Variants in CCNB1IP1 observed in about 807,000 individuals in gnomAD.
The protein encoded by CCNB1IP1 is E3 ubiquitin-protein ligase CCNB1IP1.
Under a neutral mutation model 25.6 loss-of-function variants are expected in CCNB1IP1, and 14 were observed. That is an observed-to-expected ratio of 0.55 (90% CI 0.36 to 0.85). CCNB1IP1 has a LOEUF of 0.85. CCNB1IP1 is among the 40% of genes least tolerant of loss of function. The probability of loss-of-function intolerance (pLI) is 0.01; values close to 1 mark genes in which losing one functional copy is unlikely to be tolerated. For missense variants in CCNB1IP1, 278 were observed against 342.4 expected (o/e 0.81, Z 1.48); for synonymous variants, 119 against 116.1 (o/e 1.02, Z -0.16).
intron 5 of CCNB1IP1, among the ~76,000 whole-genome samples, chr14:20,314,031 CTT>C (rs1427861802): frequency 6.6e-6 from 1 of 152,190 alleles, no homozygotes; most frequent in Non-Finnish European, 1.5e-5. Context: ...AAACCACTAA[CTT>C]TATACCACCA....
intron 4 of CCNB1IP1, among the ~76,000 whole-genome samples, chr14:20,321,697 C>A (rs1028715026): frequency 6.6e-6 from 1 of 152,100 alleles, no homozygotes; most frequent in African/African-American, 2.4e-5. Context: ...CGTGATCTAC[C>A]CTGCTCGGCC....
chr14:20,316,217 A>G lies in CCNB1IP1; in HGVS notation c.297+10T>C, dbSNP rs369190901. ...TCACATGCTCAAGAGAAACTAGACT[A>G]AGCACTAACCTGATATGTCCAGAAG... On this transcript the variant is annotated intron_variant, in intron 5 of 6. Coordinates refer to ENST00000358932, the MANE Select transcript of CCNB1IP1 (RefSeq NM_021178.5). The G allele has an allele frequency of 6.2e-7, 1 of 1,603,888 alleles. No individual in the cohort carries two copies. Among genetic ancestry groups the G allele is most frequent in the Non-Finnish European group, 8.5e-7 (1 of 1,171,780 alleles).
At position 20,316,201 on chromosome 14, in the gene CCNB1IP1, C is replaced by T. The variant is rs143875229; in HGVS notation, c.297+26G>A. The T allele has an allele frequency of 2.4e-3, 3,748 of 1,587,876 alleles. 10 individuals are homozygous for T. Among genetic ancestry groups the T allele is most frequent in the East Asian group, 8.7e-3 (388 of 44,386 alleles). ...CCACAAATGCCATAAATCACATGCTCAAGAGAAACTAGACTAAGCACTAAC... is the reference window on the plus strand; with the variant it reads ...CCACAAATGCCATAAATCACATGCTTAAGAGAAACTAGACTAAGCACTAAC... On this transcript the variant is annotated intron_variant, in intron 5 of 6. Coordinates refer to ENST00000358932, the MANE Select transcript of CCNB1IP1 (RefSeq NM_021178.5).
At chr14:20,320,445 T>G in intron 4 of CCNB1IP1, 1 of 376,204 alleles carries the variant, frequency 2.7e-6, no homozygotes, top group Non-Finnish European at 5.4e-6. Flanking sequence ...ATATTAGAAA[T>G]GTATTTCATT....
Position 20,313,482 on chromosome 14 carries a change from A to G in CCNB1IP1, c.617T>C (p.Leu206Pro), listed in dbSNP as rs567459735. The change falls in exon 6 of 7, where the codon CTT becomes CCT. Residue 206 changes from leucine (L) to proline (P), a missense_variant. By Grantham distance (98) the Leu-to-Pro change is moderately conservative. Transcript: ENST00000358932. ...TCCTTTCTTACCTAATGGGAAGCCA[A>G]GAACACCAGACTGTGCAATCATGGA... ...EPSMIAQSGV[L>P]GFPLGNNSKF... 3.8e-6 allele frequency: 6 copies of G among 1,579,496 alleles called. No homozygotes were observed. In the South Asian group the frequency reaches 4.6e-5, roughly 12 times the overall value.
intron 4 of CCNB1IP1, among the ~76,000 whole-genome samples, chr14:20,316,822 C>T (rs1280773184): frequency 6.6e-6 from 1 of 152,098 alleles, no homozygotes; most frequent in Non-Finnish European, 1.5e-5. Context: ...ATAATATATA[C>T]GTGGGCCAGG....
rs989307969 is a variant in CCNB1IP1 at position 20,329,323 on chromosome 14, A to C, written c.-380T>G. On this transcript the variant is annotated 5_prime_UTR_variant, in exon 2 of 7. Transcript: ENST00000358932. The stretch of plus-strand genomic sequence containing the variant: ...GGGTCTACAGATGGGCCAGTTCTGG[A>C]CTGGCACACAGGGTGCTGGACTTCC... 1 of 152,204 alleles carries C rather than the reference A, an allele frequency of 6.6e-6. No homozygotes were observed. The highest frequency in any genetic ancestry group is 1.5e-5 in the Non-Finnish European group (1 of 68,030). 9.4% of individuals were successfully genotyped at this position (152,204 alleles called of 1,614,324 possible).
At chr14:20,317,128 G>A (rs1341459283) in intron 4 of CCNB1IP1, among the ~76,000 whole-genome samples, 1 of 151,996 alleles carries the variant, frequency 6.6e-6, no homozygotes, top group Non-Finnish European at 1.5e-5. Context: ...ATATATATAG[G>A]CTGGGCGCGG....
chr14:20,314,317 C>T (rs1410165881), intron 5 of CCNB1IP1: 1 of 152,236 alleles, frequency 6.6e-6, no homozygotes, highest in African/African-American at 2.4e-5. Flanking sequence ...GACACACTCC[C>T]TTGCTGGCTT....
At chr14:20,330,260 A>G (rs940965088) in intron 1 of CCNB1IP1, among the ~76,000 whole-genome samples, 11 of 152,172 alleles carry the variant, frequency 7.2e-5, no homozygotes, top group African/African-American at 2.2e-4. Context: ...GTTGGGAGCT[A>G]AATCTTGCGT....
intron 6 of CCNB1IP1, among the ~76,000 whole-genome samples, chr14:20,312,524 G>A (rs1468502806): frequency 6.6e-6 from 1 of 151,626 alleles, no homozygotes; most frequent in Non-Finnish European, 1.5e-5. Context: ...TAAGACATCA[G>A]CTCCTCCCCT....
chr14:20,332,620 C>T (rs1883286182), intron 1 of CCNB1IP1, among the ~76,000 whole-genome samples: 1 of 152,094 alleles, frequency 6.6e-6, no homozygotes, highest in East Asian at 1.9e-4. Context: ...AGAGGCTTGC[C>T]CTGAACTAAG....
At chr14:20,319,565 A>G (rs1882826798) in intron 4 of CCNB1IP1, among the ~76,000 whole-genome samples, 1 of 152,244 alleles carries the variant, frequency 6.6e-6, no homozygotes, top group Non-Finnish European at 1.5e-5. Context: ...CAATATGATC[A>G]CTTCCTGGAG....
At chr14:20,318,155 A>T (rs941526293) in intron 4 of CCNB1IP1, 1 of 152,254 alleles carries the variant, frequency 6.6e-6, no homozygotes, top group Non-Finnish European at 1.5e-5. Context: ...TCTGCATTAC[A>T]AACATGCATT....
chr14:20,333,012 T>A (rs1323113404), intron 1 of CCNB1IP1: 1 of 152,260 alleles, frequency 6.6e-6, no homozygotes, highest in Non-Finnish European at 1.5e-5. Flanking sequence ...CAGTCTATTG[T>A]TCCTGGGTCA....
chr14:20,315,431 G>C, intron 5 of CCNB1IP1: 2 of 1,004,006 alleles, frequency 2.0e-6, no homozygotes, highest in Non-Finnish European at 2.4e-6. Context: ...ACACTATTTG[G>C]TATTTAACCA....
intron 5 of CCNB1IP1, among the ~76,000 whole-genome samples, 170 bp from the exon 6 acceptor site, chr14:20,313,971 A>G (rs920731253): frequency 7.9e-5 from 12 of 152,256 alleles, no homozygotes; most frequent in Admixed American, 5.2e-4. Context: ...ACAGAAAACA[A>G]TAAGTTATGT....
In CCNB1IP1 at chr14:20,311,652, T is replaced by C. The variant is rs1472903138; in HGVS notation, c.732A>G (p.Thr244=). Residue 244 remains threonine, a synonymous_variant, in exon 7 of 7, where the codon ACA becomes ACG. Transcript: ENST00000358932. ...AAAAGCTGTTGCTGGGTTCAGGTGC[T>C]GTGGGAGAACCCGCAAAAAATGGTC... The part of the protein sequence containing the change: ...QFRPFFAGSP[T]APEPSNSFFS... 1 of 1,614,146 alleles carries C rather than the reference T, an allele frequency of 6.2e-7. No individual in the cohort carries two copies. Among genetic ancestry groups the C allele is most frequent in the Admixed American group, 1.7e-5 (1 of 60,028 alleles).
chr14:20,320,384 G>A (rs1376141142), intron 4 of CCNB1IP1: 2 of 453,956 alleles, frequency 4.4e-6, no homozygotes, highest in East Asian at 7.0e-5. Flanking sequence ...AGTCTAGTCT[G>A]TAACATTCCT....
Sources: allele counts gnomAD v4.1 joint callset (sites outside exome capture counted in the v4.1 genomes callset), GRCh38; gene constraint gnomAD v4.1.1; transcripts MANE v1.5; gene names NCBI Gene and HGNC (gene_info 2026-07-23, HGNC 2026-07-21).